LRRC69: variants seen among roughly 807,000 people sequenced by gnomAD.
The protein encoded by LRRC69 is leucine rich repeat containing 69, also known as leucine-rich repeat-containing protein 69.
LRRC69 carries 42 observed loss-of-function variants against 37.8 expected under a neutral mutation model. The ratio of observed to expected loss-of-function variants is 1.11; its 90% CI spans 0.87 to 1.44. The LOEUF is 1.44. Among genes scored for constraint, LRRC69 ranks in the 40% most tolerant of loss-of-function variants. The pLI, the probability that LRRC69 is intolerant of heterozygous loss-of-function variation, is 0.00. For missense variants in LRRC69, 357 were observed against 401.9 expected (o/e 0.89, Z 0.96); for synonymous variants, 141 against 143.1 (o/e 0.99, Z 0.11).
chr8:91,109,210 G>T (rs773282799), intron 1 of LRRC69, among the ~76,000 whole-genome samples: 1 of 151,978 alleles, frequency 6.6e-6, no homozygotes, highest in African/African-American at 2.4e-5. Context: ...CATATATTAA[G>T]GTCTCTTGAA....
intron 5 of LRRC69, among the ~76,000 whole-genome samples, chr8:91,140,706 T>C (rs1808518114): frequency 1.7e-5 from 1 of 57,674 alleles, no homozygotes; most frequent in South Asian, 7.6e-4. Flanking sequence ...CAGGCTGGAG[T>C]GCAGTGGCGC....
intron 5 of LRRC69, among the ~76,000 whole-genome samples, chr8:91,164,861 T>C (rs1174928212): frequency 6.6e-6 from 1 of 151,676 alleles, no homozygotes; most frequent in African/African-American, 2.4e-5. Flanking sequence ...TATGCCTGAT[T>C]ATCATGTATT....
At chr8:91,174,930 G>A (rs1323939938) in intron 5 of LRRC69, among the ~76,000 whole-genome samples, 2 of 152,108 alleles carry the variant, frequency 1.3e-5, no homozygotes, top group African/African-American at 4.8e-5. Flanking sequence ...AATGACTAAG[G>A]ATTGGGAGTC....
At chr8:91,159,544 ACT>A (rs1808899446) in intron 5 of LRRC69, among the ~76,000 whole-genome samples, 1 of 151,182 alleles carries the variant, frequency 6.6e-6, no homozygotes, top group African/African-American at 2.4e-5. Context: ...TTTCACATAC[ACT>A]CTAGCTGAAA....
At chr8:91,208,417 G>A (rs540225839) in intron 7 of LRRC69, among the ~76,000 whole-genome samples, 14 of 152,276 alleles carry the variant, frequency 9.2e-5, no homozygotes, top group African/African-American at 3.1e-4. Flanking sequence ...ATTATTAAAA[G>A]GTGGCAAAAG....
At chr8:91,106,826 T>C (rs1441690455) in intron 1 of LRRC69, among the ~76,000 whole-genome samples, 1 of 151,890 alleles carries the variant, frequency 6.6e-6, no homozygotes, top group Non-Finnish European at 1.5e-5. Flanking sequence ...CAGGTCCTGC[T>C]CTGTCACCCA....
Position 91,187,265 on chromosome 8 carries a change from A to G in LRRC69, c.652-2257A>G, listed in dbSNP as rs185904680. 2.2e-3 allele frequency among the ~76,000 whole-genome samples: 332 copies of G among 152,280 alleles called. 1 individual carries two copies. The highest frequency in any genetic ancestry group is 7.4e-3 in the African/African-American group (307 of 41,560). On this transcript the variant is annotated intron_variant, in intron 5 of 7. Transcript: ENST00000448384. Reference sequence around the variant, plus strand: ...CTTTATATCCATATCTTTTCACTTAATGACTCAATGACATGAAGTCACTCA... The same window carrying G: ...CTTTATATCCATATCTTTTCACTTAGTGACTCAATGACATGAAGTCACTCA...
intron 5 of LRRC69, among the ~76,000 whole-genome samples, chr8:91,143,112 C>T (rs900669980): frequency 3.3e-5 from 5 of 152,040 alleles, no homozygotes; most frequent in African/African-American, 7.2e-5. Context: ...ATATATGCCA[C>T]GGACAAAACT....
intron 4 of LRRC69, 31 bp from the exon 5 acceptor site, chr8:91,135,637 A>C: frequency 7.6e-7 from 1 of 1,318,036 alleles, no homozygotes; most frequent in Non-Finnish European, 1.0e-6. Context: ...ATTAGATTTA[A>C]AAAATCTCTC....
At chr8:91,199,020 C>G (rs1809668799) in intron 6 of LRRC69, among the ~76,000 whole-genome samples, 1 of 152,160 alleles carries the variant, frequency 6.6e-6, no homozygotes, top group Admixed American at 6.5e-5. Context: ...GTCCAGAAAT[C>G]ATAAATGGAA....
At chr8:91,105,745 C>T (rs1449200413) in intron 1 of LRRC69, among the ~76,000 whole-genome samples, 2 of 151,316 alleles carry the variant, frequency 1.3e-5, no homozygotes, top group Admixed American at 1.3e-4. Flanking sequence ...TTTAGAAGTG[C>T]TGGCACAACT....
chr8:91,200,500 T>G (rs1809693145), intron 6 of LRRC69, 113 bp from the exon 7 acceptor site: 1 of 669,284 alleles, frequency 1.5e-6, no homozygotes, highest in African/African-American at 1.9e-5. Flanking sequence ...GAATCTTAAT[T>G]TAACAGAATC....
At chr8:91,216,414 C>G (rs994907340) in intron 7 of LRRC69, among the ~76,000 whole-genome samples, 5 of 152,152 alleles carry the variant, frequency 3.3e-5, no homozygotes, top group African/African-American at 1.2e-4. Context: ...AGAAACTGGA[C>G]AAAGCAAATC....
At chr8:91,209,054 A>G (rs144364813) in intron 7 of LRRC69, among the ~76,000 whole-genome samples, 2,628 of 152,322 alleles carry the variant, frequency 0.017, 34 homozygotes, top group Middle Eastern at 0.024. Context: ...GAGAAGAAAC[A>G]GCACTGAAAA....
At chr8:91,151,867 G>A (rs1036068771) in intron 5 of LRRC69, among the ~76,000 whole-genome samples, 1 of 151,200 alleles carries the variant, frequency 6.6e-6, no homozygotes, top group African/African-American at 2.4e-5. Flanking sequence ...TCTCATTGTG[G>A]TTTTAATTTG....
chr8:91,160,164 T>C (rs1041655069), intron 5 of LRRC69, among the ~76,000 whole-genome samples: 2 of 136,602 alleles, frequency 1.5e-5, no homozygotes, highest in Admixed American at 1.5e-4. Context: ...AATGGGATAA[T>C]TTTTTCTTGA....
chr8:91,206,624 G>T (rs1162089344), intron 7 of LRRC69: 2 of 1,236,630 alleles, frequency 1.6e-6, no homozygotes, highest in African/African-American at 3.1e-5. Flanking sequence ...ATGTTTAATT[G>T]TGCTCTGACA....
chr8:91,196,828 G>C (rs1377989155), intron 6 of LRRC69, among the ~76,000 whole-genome samples: 3 of 152,016 alleles, frequency 2.0e-5, no homozygotes, highest in Admixed American at 6.6e-5. Flanking sequence ...ATCGTCTGAA[G>C]CCTTCTCTCA....
At chr8:91,116,865 C>T (rs545480015) in intron 1 of LRRC69, among the ~76,000 whole-genome samples, 22 of 152,126 alleles carry the variant, frequency 1.4e-4, no homozygotes, top group Admixed American at 1.2e-3. Context: ...CCTTAAATTT[C>T]TTGTCTTCTC....
Sources: allele counts gnomAD v4.1 joint callset (sites outside exome capture counted in the v4.1 genomes callset), GRCh38; gene constraint gnomAD v4.1.1; transcripts MANE v1.5; gene names NCBI Gene and HGNC (gene_info 2026-07-23, HGNC 2026-07-21).